The following AKNA variants were observed in gnomAD, a reference collection of about 807,000 sequenced individuals.
AKNA encodes microtubule organization protein AKNA.
In AKNA, 67 loss-of-function variants were observed where a neutral mutation model predicts 138.8. That is an observed-to-expected ratio of 0.48 (90% CI 0.40 to 0.59). The LOEUF (loss-of-function observed/expected upper bound fraction) is 0.59, where lower values mean the gene tolerates loss of function less well. Ranked by LOEUF, AKNA falls within the 20% of genes least tolerant of loss-of-function variation. The pLI, the probability that AKNA is intolerant of heterozygous loss-of-function variation, is 0.00. For missense variants in AKNA, 1,813 were observed against 1,880.4 expected, an observed-to-expected ratio of 0.96 and a Z score of 0.66; for synonymous variants, 737 against 754.4, an observed-to-expected ratio of 0.98 and a Z score of 0.38.
chr9:114,367,443 C>A, intron 6 of AKNA, 100 bp downstream of exon 6: 2 of 1,408,978 alleles, frequency 1.4e-6, no homozygotes, highest in Non-Finnish European at 1.9e-6. Context: ...AGGGGAATGA[C>A]AAGTGAGACT....
rs752010785 is a variant in AKNA at position 114,376,625 on chromosome 9, G to A, written c.1182C>T (p.Pro394=). The A allele has an allele frequency of 2.5e-6, 4 of 1,613,998 alleles. No homozygotes were observed. Among genetic ancestry groups the A allele is most frequent in the African/African-American group, 1.3e-5 (1 of 74,918 alleles). Residue 394 remains proline (P), a synonymous_variant, in exon 3 of 22, where the codon CCC becomes CCT. Coordinates refer to ENST00000374088, the MANE Select transcript of AKNA (RefSeq NM_001317950.2). ...HNRKPQAPAR[P]LIFKSPAEIV... Reference sequence around the variant, plus strand: ...TCTCAGCTGGAGACTTGAAGATGAGGGGCCTGGCAGGGGCCTGAGGCTTCC... The same window carrying A: ...TCTCAGCTGGAGACTTGAAGATGAGAGGCCTGGCAGGGGCCTGAGGCTTCC...
At chr9:114,362,599 C>T (rs961401779) in intron 7 of AKNA, 66 bp from the exon 8 acceptor site, 2 of 1,553,274 alleles carry the variant, frequency 1.3e-6, no homozygotes, top group South Asian at 1.2e-5. Context: ...CCTGAAGACA[C>T]AGTGGATGAG....
chr9:114,390,314 C>A (rs572381736), upstream of AKNA, among the ~76,000 whole-genome samples: 40 of 152,134 alleles, frequency 2.6e-4, no homozygotes, highest in Non-Finnish European at 5.3e-4. Flanking sequence ...CAAACCGAAG[C>A]AGCATGTCTA....
At chr9:114,340,333 G>A (rs1564614161) in intron 21 of AKNA, among the ~76,000 whole-genome samples, 1 of 152,212 alleles carries the variant, frequency 6.6e-6, no homozygotes, top group African/African-American at 2.4e-5. Flanking sequence ...AGTAGCTGCT[G>A]ACAGCTGAGA....
intron 4 of AKNA, among the ~76,000 whole-genome samples, chr9:114,369,905 G>A (rs770371602): frequency 1.3e-5 from 2 of 151,818 alleles, no homozygotes; most frequent in African/African-American, 2.4e-5. Context: ...CGTCATCATC[G>A]TAACCATCAC....
At chr9:114,373,217 G>C (rs942537933) in intron 4 of AKNA, among the ~76,000 whole-genome samples, 1 of 152,202 alleles carries the variant, frequency 6.6e-6, no homozygotes, top group Non-Finnish European at 1.5e-5. Context: ...ACGAGGGGCC[G>C]CACAGGTCCC....
At chr9:114,378,745 A>G (rs747517949) in intron 2 of AKNA, among the ~76,000 whole-genome samples, 9 of 152,206 alleles carry the variant, frequency 5.9e-5, no homozygotes, top group Non-Finnish European at 1.3e-4. Flanking sequence ...CCACCCATGC[A>G]CCCATTCATC....
At chr9:114,356,251 T>C in intron 13 of AKNA, 115 bp from the exon 14 acceptor site, 2 of 942,402 alleles carry the variant, frequency 2.1e-6, no homozygotes, top group Non-Finnish European at 3.1e-6. Context: ...TTTGTAACTT[T>C]GCATCTCGGG....
At chr9:114,383,181 G>A (rs910331251) in intron 1 of AKNA, 2 of 455,962 alleles carry the variant, frequency 4.4e-6, no homozygotes, top group African/African-American at 4.0e-5. Context: ...GAATGAACCA[G>A]GGAGGCTGGC....
chr9:114,330,575 C>T (rs767760998), downstream of AKNA: 16 of 1,612,914 alleles, frequency 9.9e-6, no homozygotes, highest in African/African-American at 1.4e-5. Flanking sequence ...GTACCAGACC[C>T]GGTGAGAGCC....
chr9:114,381,009 T>A, intron 2 of AKNA, 51 bp downstream of exon 2: 1 of 1,214,204 alleles, frequency 8.2e-7, no homozygotes. Flanking sequence ...AAAGAACGTG[T>A]GATGTTTTGG....
upstream of AKNA, among the ~76,000 whole-genome samples, chr9:114,391,518 C>T (rs1462020528): frequency 2.6e-5 from 4 of 152,124 alleles, no homozygotes; most frequent in Non-Finnish European, 4.4e-5. Flanking sequence ...AGAAGAGATT[C>T]GTTCCTGGTC....
rs183389792 is a variant in AKNA, at chr9:114,334,653, G to A, written c.*2401C>T. On this transcript the variant is annotated 3_prime_UTR_variant, in exon 22 of 22. Transcript: ENST00000374088. ...CACCCCAACCTGGGTGCTCGTGATTGACAGCCTCTTGTTACGTGAGGGAAG... is the reference window on the plus strand; with the variant it reads ...CACCCCAACCTGGGTGCTCGTGATTAACAGCCTCTTGTTACGTGAGGGAAG... 1 of 147,326 alleles carries A rather than the reference G, an allele frequency of 6.8e-6. No individual in the cohort carries two copies. Among genetic ancestry groups the A allele is most frequent in the Admixed American group, 6.6e-5 (1 of 15,178 alleles). The allele number at this position is 147,326 out of a possible 1,614,324, so 9.1% of individuals were successfully genotyped here. A position where few individuals can be genotyped will look rare whatever the true frequency, so the allele number is the denominator to read the frequency against.
intron 21 of AKNA, among the ~76,000 whole-genome samples, chr9:114,338,902 A>G (rs994803624): frequency 6.6e-6 from 1 of 152,124 alleles, no homozygotes; most frequent in Non-Finnish European, 1.5e-5. Context: ...CTCTCCCCAC[A>G]TATCTAATGT....
intron 9 of AKNA, among the ~76,000 whole-genome samples, chr9:114,360,890 A>C (rs532530841): frequency 6.6e-6 from 1 of 152,266 alleles, no homozygotes; most frequent in African/African-American, 2.4e-5. Flanking sequence ...CCTTTTGTGT[A>C]GGGCTCTTGT....
chr9:114,376,775 A>G lies in AKNA; in HGVS notation c.1032T>C (p.Ser344=). ...GCCCCCGGCCATACTTGGGGGCATT[A>G]GAAGAGGAGCGGCCAGCCAGAGTGG... The part of the protein sequence containing the change: ...QGATLAGRSS[S]NAPKYGRGQL... The change falls in exon 3 of 22, where the codon TCT becomes TCC. Residue 344 remains serine (S), a synonymous_variant. Transcript: ENST00000374088. 6.2e-7 allele frequency: 1 copy of G among 1,612,612 alleles called. No individual in the cohort carries two copies. Among genetic ancestry groups the G allele is most frequent in the Non-Finnish European group, 8.5e-7 (1 of 1,179,070 alleles).
At chr9:114,384,067 C>T (rs968594613) in intron 1 of AKNA, among the ~76,000 whole-genome samples, 2 of 152,224 alleles carry the variant, frequency 1.3e-5, no homozygotes, top group African/African-American at 2.4e-5. Context: ...AATCTGCCCT[C>T]CTACAAACAT....
intron 11 of AKNA, among the ~76,000 whole-genome samples, chr9:114,358,734 A>G (rs1185990297): frequency 2.6e-5 from 4 of 151,908 alleles, no homozygotes; most frequent in Admixed American, 2.6e-4. Context: ...CACAAGGACA[A>G]AAAACCAAAC....
chr9:114,343,752 G>C lies in AKNA; in HGVS notation c.3713C>G (p.Thr1238Arg). 1 of 1,614,210 alleles carries C rather than the reference G, an allele frequency of 6.2e-7. No homozygotes were observed. The highest frequency in any genetic ancestry group is 2.2e-5 in the East Asian group (1 of 44,884). Residue 1238 changes from threonine (T) to arginine (R), a missense_variant, in exon 19 of 22, where the codon ACA (threonine) becomes AGA (arginine). By Grantham distance (71) the Thr-to-Arg change is moderately conservative. Coordinates refer to ENST00000374088, the MANE Select transcript of AKNA (RefSeq NM_001317950.2). ...SPKAVPKGNG[T>R]VSCPHCRPIR... is the part of the protein sequence containing the mutation. ...GGGCCGGCAGTGGGGACAGGAGACT[G>C]TGCCATTGCCTTTTGGGACCGCCTT...
Sources: gnomAD v4.1 joint callset for allele counts (sites outside exome capture counted in the v4.1 genomes callset) on GRCh38, gnomAD v4.1.1 for gene constraint, MANE v1.5 for transcripts, NCBI Gene and HGNC (gene_info 2026-07-23, HGNC 2026-07-21) for gene names.